Variants in MARK3 observed in about 807,000 individuals in gnomAD.
MARK3 encodes the protein microtubule affinity regulating kinase 3.
In MARK3, 46 loss-of-function variants were observed where a neutral mutation model predicts 90.1. That is an observed-to-expected ratio of 0.51 (90% CI 0.40 to 0.65). The LOEUF (loss-of-function observed/expected upper bound fraction) is 0.65, where lower values mean the gene tolerates loss of function less well. Among genes scored for constraint, MARK3 ranks in the 30% least tolerant of loss-of-function variants. MARK3 has a pLI of 0.00. For missense variants in MARK3, 818 were observed against 947.2 expected (o/e 0.86, Z 1.79); for synonymous variants, 321 against 332.6 (o/e 0.97, Z 0.38).
chr14:103,425,633 A>C (rs1158800555), intron 2 of MARK3, among the ~76,000 whole-genome samples: 1 of 152,200 alleles, frequency 6.6e-6, no homozygotes, highest in Admixed American at 6.5e-5. Context: ...TCCCCAGTTG[A>C]GATATGCATA....
intron 1 of MARK3, among the ~76,000 whole-genome samples, chr14:103,394,768 AT>A (rs1179421137): frequency 2.0e-5 from 3 of 152,136 alleles, no homozygotes; most frequent in Non-Finnish European, 4.4e-5. Context: ...TGTTCATAGA[AT>A]TTTACATAAC....
At position 103,386,214 on chromosome 14, in the gene MARK3, G is replaced by A. The variant is rs905136056; in HGVS notation, c.51+134G>A. 4 of 877,072 alleles carry A rather than the reference G, an allele frequency of 4.6e-6. No homozygotes were observed. The African/African-American group carries it at 6.6e-5, about 14-fold the overall frequency. The allele number at this position is 877,072 out of a possible 1,614,324, so 54.3% of individuals were successfully genotyped here. A position where few individuals can be genotyped will look rare whatever the true frequency, so the allele number is the denominator to read the frequency against. ...AGGGCAGGCCGTAGTCACCCAGGAG[G>A]CAGCCAGGTCGGACCGTTTCCTCCA... On this transcript the variant is annotated intron_variant, in intron 1 of 17. Coordinates refer to ENST00000429436, the MANE Select transcript of MARK3 (RefSeq NM_001128918.3).
chr14:103,462,594 A>T, intron 7 of MARK3, 133 bp downstream of exon 7: 1 of 523,312 alleles, frequency 1.9e-6, no homozygotes, highest in Non-Finnish European at 3.3e-6. Context: ...GAATCCTCTT[A>T]ATCAAGTTAT....
rs542826367 is a variant in MARK3, at chr14:103,423,145, A to G, written c.244-5242A>G. ...GTGGTATTTTGGTTATGGCAGTCCA[A>G]GATGACTAATGCATCATTCTTCAGG... On this transcript the variant is annotated intron_variant, in intron 2 of 17. Transcript: ENST00000429436. 7.4e-5 allele frequency among the ~76,000 whole-genome samples: 11 copies of G among 148,838 alleles called. No individual in the cohort carries two copies. In the East Asian group the frequency reaches 2.2e-3, roughly 30 times the overall value.
At chr14:103,448,258 A>G (rs570771721) in intron 3 of MARK3, among the ~76,000 whole-genome samples, 55 of 152,224 alleles carry the variant, frequency 3.6e-4, no homozygotes, top group African/African-American at 1.3e-3. Flanking sequence ...CAAGCATTTT[A>G]TCCAGCCTCT....
At chr14:103,387,056 G>A (rs1429515495) in intron 1 of MARK3, among the ~76,000 whole-genome samples, 1 of 152,182 alleles carries the variant, frequency 6.6e-6, no homozygotes, top group Non-Finnish European at 1.5e-5. Context: ...TAAATAATTT[G>A]TAAAGAAACT....
intron 1 of MARK3, among the ~76,000 whole-genome samples, chr14:103,403,776 C>T (rs565281113): frequency 6.8e-4 from 103 of 152,236 alleles, no homozygotes; most frequent in Non-Finnish European, 1.0e-3. Context: ...TTTATCAACT[C>T]CATATTTATA....
At chr14:103,468,974 A>G (rs1386560714) in intron 12 of MARK3, among the ~76,000 whole-genome samples, 2 of 151,822 alleles carry the variant, frequency 1.3e-5, no homozygotes, top group East Asian at 3.9e-4. Context: ...GCTAGTCTGT[A>G]GTTCTATTCA....
Position 103,491,344 on chromosome 14 carries a change from A to G in MARK3, c.1587-433A>G, listed in dbSNP as rs1383772942. ...TTCCTGCTCCTCCCAAGTTGCTTTC[A>G]GCATGTGGAATTTTATACATATATC... On this transcript the variant is annotated intron_variant, in intron 14 of 17. Coordinates refer to ENST00000429436, the MANE Select transcript of MARK3 (RefSeq NM_001128918.3). 7.5e-5 allele frequency: 16 copies of G among 212,740 alleles called. No individual in the cohort carries two copies. In the Admixed American group the frequency reaches 8.1e-4, roughly 11 times the overall value. The allele number at this position is 212,740 out of a possible 1,614,324, so 13.2% of individuals were successfully genotyped here.
intron 1 of MARK3, among the ~76,000 whole-genome samples, chr14:103,399,637 T>C (rs1200449916): frequency 6.8e-6 from 1 of 146,912 alleles, no homozygotes; most frequent in Non-Finnish European, 1.5e-5. Context: ...AGGCGGAGCT[T>C]GCAGTGAATC....
chr14:103,455,024 T>C (rs2093243828), intron 5 of MARK3, among the ~76,000 whole-genome samples: 1 of 152,206 alleles, frequency 6.6e-6, no homozygotes, highest in South Asian at 2.1e-4. Flanking sequence ...AAAAAAGATC[T>C]GGATTGAATT....
intron 2 of MARK3, among the ~76,000 whole-genome samples, chr14:103,413,351 A>G (rs369767487): frequency 1.3e-5 from 2 of 151,048 alleles, no homozygotes; most frequent in Admixed American, 1.3e-4. Flanking sequence ...TAATCATATA[A>G]CTTCTTGCAT....
chr14:103,493,108 T>C (rs2075098760), intron 15 of MARK3, among the ~76,000 whole-genome samples: 1 of 152,176 alleles, frequency 6.6e-6, no homozygotes, highest in East Asian at 1.9e-4. Flanking sequence ...GCCTATTACT[T>C]CATTTCACTC....
intron 15 of MARK3, among the ~76,000 whole-genome samples, chr14:103,495,086 A>G (rs2075266330): frequency 6.6e-6 from 1 of 152,188 alleles, no homozygotes; most frequent in Non-Finnish European, 1.5e-5. Flanking sequence ...ACAAGTGTGC[A>G]CACACACTCA....
At chr14:103,478,023 G>A (rs1333829110) in intron 13 of MARK3, among the ~76,000 whole-genome samples, 2 of 147,150 alleles carry the variant, frequency 1.4e-5, no homozygotes, top group Non-Finnish European at 3.0e-5. Flanking sequence ...GTGGCCGGGC[G>A]CAGTGGCTCA....
At chr14:103,494,196 T>C (rs2075187513) in intron 15 of MARK3, among the ~76,000 whole-genome samples, 1 of 141,540 alleles carries the variant, frequency 7.1e-6, no homozygotes, top group Admixed American at 7.5e-5. Context: ...ATCGCGCCGC[T>C]GCACTCCAGC....
At chr14:103,424,622 G>A (rs1423379202) in intron 2 of MARK3, among the ~76,000 whole-genome samples, 4 of 151,944 alleles carry the variant, frequency 2.6e-5, no homozygotes, top group Non-Finnish European at 5.9e-5. Context: ...TGTGAAAATA[G>A]AAACCACGTC....
intron 2 of MARK3, among the ~76,000 whole-genome samples, chr14:103,425,402 A>G (rs2092369080): frequency 6.6e-6 from 1 of 151,376 alleles, no homozygotes; most frequent in Admixed American, 6.6e-5. Flanking sequence ...TGGTGGGATT[A>G]TAGGCATCCG....
At chr14:103,450,929 T>G (rs2093129934) in intron 4 of MARK3, among the ~76,000 whole-genome samples, 3 of 121,586 alleles carry the variant, frequency 2.5e-5, no homozygotes, top group African/African-American at 1.1e-4. Context: ...TTCTTTTTTT[T>G]TTTTTTTTTT....
Sources: gnomAD v4.1 joint callset for allele counts (sites outside exome capture counted in the v4.1 genomes callset) on GRCh38, gnomAD v4.1.1 for gene constraint, MANE v1.5 for transcripts, NCBI Gene and HGNC (gene_info 2026-07-23, HGNC 2026-07-21) for gene names.